Variants in USP13 observed in about 807,000 individuals in gnomAD.
USP13 encodes the protein ubiquitin specific peptidase 13, also known as ubiquitin carboxyl-terminal hydrolase 13.
USP13 carries 68 observed loss-of-function variants against 107.8 expected under a neutral mutation model. That is an observed-to-expected ratio of 0.63 (90% CI 0.52 to 0.77). The LOEUF is 0.77. Among genes scored for constraint, USP13 ranks in the 30% least tolerant of loss-of-function variants. The pLI, the probability that USP13 is intolerant of heterozygous loss-of-function variation, is 0.00. For synonymous variants in USP13, 377 were observed against 389.5 expected (o/e 0.97, Z 0.38); for missense variants, 945 against 1,093.3 (o/e 0.86, Z 1.91).
At position 179,708,884 on chromosome 3, in the gene USP13, T is replaced by C. The variant is rs147276718; in HGVS notation, c.732T>C (p.His244=). Residue 244 remains histidine (H), a synonymous_variant, in exon 6 of 21, where the codon CAT becomes CAC. Coordinates refer to ENST00000263966, the MANE Select transcript of USP13 (RefSeq NM_003940.3). ...TTGACAGCTCTGGGGGCAACGGGCA[T>C]GCGCTGGAGCATTACAGAGACATGG... The part of the protein sequence containing the change: ...WFFDSSGGNG[H]ALEHYRDMGY... 47 of 1,614,098 alleles carry C rather than the reference T, an allele frequency of 2.9e-5. 1 individual carries two copies. The African/African-American group carries it at 5.6e-4, about 19-fold the overall frequency.
In USP13 at chr3:179,750,320, A is replaced by ATATG. The variant is rs1274046632; in HGVS notation, c.1710-1964_1710-1963insATGT. The stretch of plus-strand genomic sequence containing the variant: ...TATGTGTGTGTATATATATATATAT[A>ATATG]TGTGTGTATATATATATATATATAT... On this transcript the variant is annotated intron_variant, in intron 13 of 20. Transcript: ENST00000263966. Among the ~76,000 whole-genome samples, 182 of 40,796 alleles carry ATATG rather than the reference A, an allele frequency of 4.5e-3. 1 individual carries two copies. The highest frequency in any genetic ancestry group is 0.023 in the Middle Eastern group (1 of 44). The allele number at this position is 40,796 out of a possible 152,430, so 26.8% of individuals were successfully genotyped here.
At chr3:179,696,328 A>ATTTTTTTT (rs4041265) in intron 3 of USP13, among the ~76,000 whole-genome samples, 5 of 117,710 alleles carry the variant, frequency 4.2e-5, no homozygotes, top group Admixed American at 3.1e-4. Flanking sequence ...GCCATTAGGC[A>ATTTTTTTT]TTTTTTTTTT....
intron 8 of USP13, among the ~76,000 whole-genome samples, chr3:179,728,976 G>A (rs62290418): frequency 2.9e-5 from 3 of 105,150 alleles, no homozygotes; most frequent in African/African-American, 9.5e-5. Flanking sequence ...TGGGGAGACG[G>A]AGAGGAAGAG....
At chr3:179,670,289 C>T (rs1720712204) in intron 1 of USP13, among the ~76,000 whole-genome samples, 1 of 152,274 alleles carries the variant, frequency 6.6e-6, no homozygotes, top group Admixed American at 6.5e-5. Flanking sequence ...TGTTGCCTGT[C>T]TCTCTTTACT....
chr3:179,764,183 C>CTG lies in USP13; in HGVS notation c.2259+46_2259+47dup, dbSNP rs3222346. On this transcript the variant is annotated intron_variant, in intron 18 of 20. Transcript: ENST00000263966. ...TACGAGCAACGGTGAGCATGAGAGA[C>CTG]TGTGTGTGTGTGTGTGTGTGTGTGT... 145,193 of 1,444,050 alleles carry CTG rather than the reference C, an allele frequency of 0.1. 983 individuals carry two copies. Among genetic ancestry groups the CTG allele is most frequent in the Non-Finnish European group, 0.11 (121,164 of 1,077,514 alleles). 89.5% of individuals were successfully genotyped at this position (1,444,050 alleles called of 1,614,324 possible). A position where few individuals can be genotyped will look rare whatever the true frequency, so the allele number is the denominator to read the frequency against.
In USP13 at chr3:179,761,251, G is replaced by A. The variant is rs1208431858; in HGVS notation, c.2088G>A (p.Glu696=). The A allele has an allele frequency of 1.2e-6, 2 of 1,614,178 alleles. No homozygotes were observed. Among genetic ancestry groups the A allele is most frequent in the Non-Finnish European group, 8.5e-7 (1 of 1,180,024 alleles). The change falls in exon 17 of 21, where the codon GAG becomes GAA. Residue 696 remains glutamate, a synonymous_variant. Transcript: ENST00000263966. ...ACTGGATCATTGTTCACATGGAAGAGCCAGGTAGGTGGCGAGAAAATGGAA... is the reference window on the plus strand; with the variant it reads ...ACTGGATCATTGTTCACATGGAAGAACCAGGTAGGTGGCGAGAAAATGGAA... The part of the protein sequence containing the change: ...AFNWIIVHME[E]PDFAEPLTMP...
intron 13 of USP13, among the ~76,000 whole-genome samples, chr3:179,746,193 AAAAT>A (rs929338673): frequency 4.1e-5 from 6 of 147,180 alleles, no homozygotes; most frequent in Admixed American, 2.7e-4. Context: ...ATATATATAT[AAAAT>A]TTTATATATA....
At position 179,746,177 on chromosome 3, in the gene USP13, C is replaced by CTA. The variant is rs147145177; in HGVS notation, c.1709+975_1709+976dup. 3.4e-3 allele frequency among the ~76,000 whole-genome samples: 475 copies of CTA among 141,252 alleles called. 4 individuals carry two copies. The highest frequency in any genetic ancestry group is 5.9e-3 in the African/African-American group (226 of 38,396). The allele number at this position is 141,252 out of a possible 152,430, so 92.7% of individuals were successfully genotyped here. A position where few individuals can be genotyped will look rare whatever the true frequency, so the allele number is the denominator to read the frequency against. ...ACCATGGCCTCAATAGCAGTTCAAC[C>CTA]TATATATATATATATAAAATTTTAT... On this transcript the variant is annotated intron_variant, in intron 13 of 20. Coordinates refer to ENST00000263966, the MANE Select transcript of USP13 (RefSeq NM_003940.3).
chr3:179,720,313 G>A (rs13323044), intron 7 of USP13, among the ~76,000 whole-genome samples: 6,113 of 152,236 alleles, frequency 0.04, 365 homozygotes, highest in African/African-American at 0.13. Context: ...CTCCTTTGAT[G>A]GGCAGTCGTG....
intron 8 of USP13, among the ~76,000 whole-genome samples, chr3:179,725,642 C>T (rs927528782): frequency 4.6e-5 from 7 of 152,118 alleles, no homozygotes; most frequent in Admixed American, 3.9e-4. Context: ...TGCAAAAATG[C>T]TTTTTCTGTT....
chr3:179,675,044 G>A (rs1377357639), intron 1 of USP13, among the ~76,000 whole-genome samples: 1 of 151,906 alleles, frequency 6.6e-6, no homozygotes, highest in African/African-American at 2.4e-5. Flanking sequence ...GCATGGTGGC[G>A]GGCGCCTGTA....
At chr3:179,715,452 C>T (rs530457398) in intron 6 of USP13, among the ~76,000 whole-genome samples, 1 of 151,534 alleles carries the variant, frequency 6.6e-6, no homozygotes, top group South Asian at 2.1e-4. Context: ...GCAACCTCCG[C>T]CTCCTGGGTT....
chr3:179,681,863 T>G lies in USP13; in HGVS notation c.169-15T>G. ...TAGGTGTCGTCGGCTAATGTACTTT[T>G]TCTCTTTCTTCTAGAATTCTGAAGG... On this transcript the variant is annotated splice_polypyrimidine_tract_variant and intron_variant, in intron 1 of 20. Coordinates refer to ENST00000263966, the MANE Select transcript of USP13 (RefSeq NM_003940.3). The G allele has an allele frequency of 1.2e-6, 2 of 1,609,304 alleles. No individual in the cohort carries two copies. The highest frequency in any genetic ancestry group is 8.5e-7 in the Non-Finnish European group (1 of 1,177,202).
At chr3:179,684,775 CTTTCT>C (rs1711809062) in intron 2 of USP13, among the ~76,000 whole-genome samples, 1 of 30,386 alleles carries the variant, frequency 3.3e-5, no homozygotes, top group Non-Finnish European at 6.5e-5. Context: ...ATTTATTTTT[CTTTCT>C]TTTTTTTTTT....
At chr3:179,731,112 T>TA (rs1376363713) in intron 10 of USP13, among the ~76,000 whole-genome samples, 2 of 152,168 alleles carry the variant, frequency 1.3e-5, no homozygotes, top group African/African-American at 4.8e-5. Flanking sequence ...GTCTGGTTGT[T>TA]AAAAAACAAC....
At chr3:179,666,192 T>G (rs534689505) in intron 1 of USP13, among the ~76,000 whole-genome samples, 2 of 152,294 alleles carry the variant, frequency 1.3e-5, no homozygotes, top group East Asian at 3.9e-4. Context: ...GACCAGCCAC[T>G]TATGAGCAAG....
chr3:179,709,361 C>T (rs1050571764), intron 6 of USP13, among the ~76,000 whole-genome samples: 1 of 152,040 alleles, frequency 6.6e-6, no homozygotes, highest in South Asian at 2.1e-4. Context: ...AGGAGGAAGC[C>T]CTGGAATCCA....
At chr3:179,730,375 G>A in intron 9 of USP13, 115 bp downstream of exon 9, 1 of 1,166,278 alleles carries the variant, frequency 8.6e-7, no homozygotes, top group Non-Finnish European at 1.2e-6. Flanking sequence ...TTTTAAAAAA[G>A]TGTTCCAAAA....
At chr3:179,716,686 G>GA (rs952223915) in intron 6 of USP13, among the ~76,000 whole-genome samples, 9 of 151,840 alleles carry the variant, frequency 5.9e-5, no homozygotes, top group African/African-American at 1.7e-4. Context: ...AATAAATTTA[G>GA]AAAAAACAGA....
Sources: gnomAD v4.1 joint callset for allele counts (sites outside exome capture counted in the v4.1 genomes callset) on GRCh38, gnomAD v4.1.1 for gene constraint, MANE v1.5 for transcripts, NCBI Gene and HGNC (gene_info 2026-07-23, HGNC 2026-07-21) for gene names.